FOCAD: variants seen among roughly 807,000 people sequenced by gnomAD.
FOCAD encodes the protein KIAA1797.
FOCAD carries 198 observed loss-of-function variants against 225.6 expected under a neutral mutation model. That is an observed-to-expected ratio of 0.88 (90% confidence interval 0.78 to 0.99). The LOEUF (loss-of-function observed/expected upper bound fraction) is 0.99, where lower values mean the gene tolerates loss of function less well. FOCAD is among the 50% of genes least tolerant of loss of function. The pLI is 0.00. For missense variants in FOCAD, 2,713 were observed against 2,123.6 expected (o/e 1.28, Z -5.46); for synonymous variants, 897 against 755.0 (o/e 1.19, Z -3.08).
chr9:20,665,004 C>T (rs868765150), intron 2 of FOCAD, among the ~76,000 whole-genome samples: 29 of 151,722 alleles, frequency 1.9e-4, no homozygotes, highest in Middle Eastern at 3.4e-3. Context: ...TGCCTTATGA[C>T]GAATAAGTTG....
chr9:20,711,796 C>G (rs908441023), intron 1 of FOCAD, among the ~76,000 whole-genome samples: 23 of 152,278 alleles, frequency 1.5e-4, no homozygotes, highest in Middle Eastern at 3.4e-3. Flanking sequence ...AGATCTGTGC[C>G]AGATGACGAC....
At chr9:20,808,905 G>A (rs1822749765) in intron 11 of FOCAD, among the ~76,000 whole-genome samples, 1 of 152,116 alleles carries the variant, frequency 6.6e-6, no homozygotes, top group Non-Finnish European at 1.5e-5. Context: ...TTTTACTGAA[G>A]TAACATTCTT....
At chr9:20,728,341 A>G (rs1024699068) in intron 4 of FOCAD, among the ~76,000 whole-genome samples, 1 of 152,188 alleles carries the variant, frequency 6.6e-6, no homozygotes, top group African/African-American at 2.4e-5. Context: ...TTTATATTTC[A>G]TGTACACCTT....
At chr9:20,738,447 C>A (rs1030230555) in intron 4 of FOCAD, among the ~76,000 whole-genome samples, 3 of 152,176 alleles carry the variant, frequency 2.0e-5, no homozygotes, top group Non-Finnish European at 4.4e-5. Flanking sequence ...CTTGATTTGA[C>A]ATCCATTGGA....
chr9:20,752,890 G>A (rs1242194847), intron 5 of FOCAD, among the ~76,000 whole-genome samples: 1 of 151,170 alleles, frequency 6.6e-6, no homozygotes, highest in African/African-American at 2.4e-5. Flanking sequence ...TTGTAAGCTG[G>A]ATTCCTAGGT....
intron 8 of FOCAD, among the ~76,000 whole-genome samples, chr9:20,775,316 C>T (rs1487846704): frequency 6.6e-6 from 1 of 152,154 alleles, no homozygotes; most frequent in African/African-American, 2.4e-5. Flanking sequence ...ATGATGCTCA[C>T]TGGGAGGAGA....
At chr9:20,692,594 C>G (rs1052632495) in intron 1 of FOCAD, among the ~76,000 whole-genome samples, 4 of 152,190 alleles carry the variant, frequency 2.6e-5, no homozygotes, top group Non-Finnish European at 4.4e-5. Context: ...GCTGGTCTTG[C>G]CCGTGCTCAC....
intron 10 of FOCAD, among the ~76,000 whole-genome samples, chr9:20,788,829 A>C (rs1820216995): frequency 6.6e-6 from 1 of 152,136 alleles, no homozygotes; most frequent in South Asian, 2.1e-4. Flanking sequence ...TTCCTATTGC[A>C]GAAGTTACAA....
chr9:20,861,475 G>A (rs1410284987), intron 15 of FOCAD, among the ~76,000 whole-genome samples: 1 of 152,140 alleles, frequency 6.6e-6, no homozygotes, highest in Admixed American at 6.5e-5. Flanking sequence ...AAATCATGTA[G>A]GGGATCCCAA....
intron 4 of FOCAD, among the ~76,000 whole-genome samples, chr9:20,728,727 C>A (rs1369134055): frequency 1.3e-5 from 2 of 152,164 alleles, no homozygotes; most frequent in African/African-American, 4.8e-5. Context: ...CTTATTCCAG[C>A]TGATCTTTAT....
At chr9:20,971,963 T>G (rs1587751823) in intron 35 of FOCAD, among the ~76,000 whole-genome samples, 2 of 152,306 alleles carry the variant, frequency 1.3e-5, no homozygotes, top group African/African-American at 4.8e-5. Context: ...TTCCATGTTA[T>G]GTATATACTG....
chr9:20,815,309 G>GTT (rs549019890), intron 11 of FOCAD, among the ~76,000 whole-genome samples: 82 of 131,830 alleles, frequency 6.2e-4, no homozygotes, highest in Admixed American at 9.8e-4. Context: ...AATTTTTGTA[G>GTT]TTTTTTTTTT....
intron 39 of FOCAD, among the ~76,000 whole-genome samples, chr9:20,982,806 G>T (rs759023676): frequency 6.6e-6 from 1 of 152,116 alleles, no homozygotes; most frequent in Non-Finnish European, 1.5e-5. Flanking sequence ...GTCAAACGAT[G>T]AATGAGCAAA....
intron 6 of FOCAD, among the ~76,000 whole-genome samples, chr9:20,763,602 T>G (rs886369399): frequency 3.9e-5 from 6 of 151,976 alleles, no homozygotes; most frequent in Non-Finnish European, 7.4e-5. Context: ...AGAAGCTAGG[T>G]AGGGAGAAGG....
intron 4 of FOCAD, among the ~76,000 whole-genome samples, chr9:20,725,327 A>G (rs1006311807): frequency 6.6e-6 from 1 of 152,218 alleles, no homozygotes; most frequent in African/African-American, 2.4e-5. Flanking sequence ...GGGAACTGAG[A>G]CACACCATGA....
chr9:20,958,739 T>G (rs1455879226), intron 35 of FOCAD, among the ~76,000 whole-genome samples: 1 of 152,160 alleles, frequency 6.6e-6, no homozygotes, highest in Non-Finnish European at 1.5e-5. Flanking sequence ...TTTTTACTTC[T>G]GAGAGATCAA....
chr9:20,928,789 G>T (rs1053489054), intron 26 of FOCAD, among the ~76,000 whole-genome samples: 3 of 152,112 alleles, frequency 2.0e-5, no homozygotes, highest in Non-Finnish European at 4.4e-5. Context: ...ACCCCCTGTA[G>T]GAAATAATCC....
At chr9:20,712,253 CA>C (rs1824911968) in intron 1 of FOCAD, among the ~76,000 whole-genome samples, 1 of 152,186 alleles carries the variant, frequency 6.6e-6, no homozygotes, top group Non-Finnish European at 1.5e-5. Flanking sequence ...TTCCCCATGT[CA>C]GGTGATGGCA....
chr9:20,842,008 C>A (rs1826581963), intron 15 of FOCAD, among the ~76,000 whole-genome samples: 1 of 151,714 alleles, frequency 6.6e-6, no homozygotes, highest in African/African-American at 2.4e-5. Context: ...CTTTATTGAC[C>A]CCACTGGTCA....
Sources: allele counts gnomAD v4.1 joint callset (sites outside exome capture counted in the v4.1 genomes callset), GRCh38; gene constraint gnomAD v4.1.1; transcripts MANE v1.5; gene names NCBI Gene and HGNC (gene_info 2026-07-23, HGNC 2026-07-21).